The following DENND5B variants were observed in gnomAD, a reference collection of about 807,000 sequenced individuals.
DENND5B encodes DENN domain containing 5B.
In DENND5B, 34 loss-of-function variants were observed where a neutral mutation model predicts 140.6. The observed-to-expected ratio is 0.24, with a 90% CI of 0.18 to 0.32. The LOEUF is 0.32. Among genes scored for constraint, DENND5B ranks in the 10% least tolerant of loss-of-function variants. DENND5B has a pLI of 1.00. For missense variants in DENND5B, 1,142 were observed against 1,560.2 expected (o/e 0.73, Z 4.52); for synonymous variants, 551 against 562.1 (o/e 0.98, Z 0.28).
intron 1 of DENND5B, among the ~76,000 whole-genome samples, chr12:31,564,580 T>C (rs1489118985): frequency 6.8e-6 from 1 of 147,070 alleles, no homozygotes; most frequent in African/African-American, 2.5e-5. Context: ...TTATTATTAT[T>C]ATTATTATTA....
chr12:31,565,091 T>G (rs1949583051), intron 1 of DENND5B, among the ~76,000 whole-genome samples: 1 of 152,158 alleles, frequency 6.6e-6, no homozygotes, highest in Non-Finnish European at 1.5e-5. Context: ...ATTCACAACC[T>G]TGCCAATTCG....
intron 17 of DENND5B, among the ~76,000 whole-genome samples, chr12:31,394,615 CTTT>C (rs33960412): frequency 6.5e-5 from 9 of 137,604 alleles, no homozygotes; most frequent in Admixed American, 1.5e-4. Flanking sequence ...ACCCTGTGCT[CTTT>C]TTTTTTTTTT....
chr12:31,421,457 T>C (rs1943021070), intron 11 of DENND5B, among the ~76,000 whole-genome samples: 1 of 152,266 alleles, frequency 6.6e-6, no homozygotes, highest in Non-Finnish European at 1.5e-5. Flanking sequence ...AACCAGATTT[T>C]AAAAACTTAA....
intron 3 of DENND5B, among the ~76,000 whole-genome samples, chr12:31,474,239 G>A (rs1470992481): frequency 6.6e-6 from 1 of 152,038 alleles, no homozygotes; most frequent in African/African-American, 2.4e-5. Flanking sequence ...ACCAAAGGAG[G>A]TAAGCAAGGC....
chr12:31,489,707 T>C (rs759532623), intron 2 of DENND5B, among the ~76,000 whole-genome samples: 4 of 152,282 alleles, frequency 2.6e-5, no homozygotes, highest in Admixed American at 6.5e-5. Flanking sequence ...AGTTGACTAC[T>C]AGCTAAGTAA....
intron 6 of DENND5B, among the ~76,000 whole-genome samples, chr12:31,446,198 G>T (rs1383778646): frequency 2.0e-5 from 3 of 151,992 alleles, no homozygotes; most frequent in South Asian, 4.2e-4. Flanking sequence ...GCCCAGGCGG[G>T]AGTGCAGTGG....
chr12:31,489,710 CTAAGTAATTGG>C (rs1171956990), intron 2 of DENND5B, among the ~76,000 whole-genome samples: 1 of 151,918 alleles, frequency 6.6e-6, no homozygotes, highest in East Asian at 1.9e-4. Flanking sequence ...TGACTACTAG[CTAAGTAATTGG>C]TTAACTGCAA....
At chr12:31,497,879 G>C (rs1946837744) in intron 1 of DENND5B, among the ~76,000 whole-genome samples, 1 of 46,722 alleles carries the variant, frequency 2.1e-5, no homozygotes. Flanking sequence ...GGGCAGTGGA[G>C]GGGGCAGGGA....
chr12:31,451,844 G>A (rs1235692686), intron 5 of DENND5B, 96 bp downstream of exon 5: 9 of 1,392,224 alleles, frequency 6.5e-6, no homozygotes, highest in Non-Finnish European at 7.8e-6. Context: ...TAATATATGG[G>A]TAAGCATAGG....
intron 4 of DENND5B, among the ~76,000 whole-genome samples, chr12:31,452,953 A>G (rs1944606205): frequency 6.6e-6 from 1 of 152,172 alleles, no homozygotes; most frequent in African/African-American, 2.4e-5. Context: ...AATACATGAT[A>G]TTAGGTAAAA....
Position 31,585,813 on chromosome 12 carries a change from G to A in DENND5B, c.127+4893C>T, listed in dbSNP as rs116299601. 3.4e-3 allele frequency among the ~76,000 whole-genome samples: 519 copies of A among 152,328 alleles called. 6 individuals are homozygous for A. Among genetic ancestry groups the A allele is most frequent in the African/African-American group, 0.012 (487 of 41,576 alleles). On this transcript the variant is annotated intron_variant, in intron 1 of 20. Transcript: ENST00000389082. ...ACACAACCAAAGCTAAAAATAGCTA[G>A]AGAGAGACACTAAGGAAAAGATCTA...
intron 3 of DENND5B, 89 bp from the exon 4 acceptor site, chr12:31,460,470 A>G: frequency 5.4e-6 from 7 of 1,305,826 alleles, no homozygotes; most frequent in Non-Finnish European, 7.3e-6. Flanking sequence ...CTTAAGAAAA[A>G]AATTTCTGCG....
intron 1 of DENND5B, among the ~76,000 whole-genome samples, chr12:31,509,412 T>C (rs939437578): frequency 5.9e-5 from 9 of 152,194 alleles, no homozygotes; most frequent in African/African-American, 1.9e-4. Flanking sequence ...GAGAGACCCA[T>C]AGTTTTGTAT....
chr12:31,587,408 TCATA>T (rs1220776107), intron 1 of DENND5B, among the ~76,000 whole-genome samples: 1 of 152,060 alleles, frequency 6.6e-6, no homozygotes, highest in Non-Finnish European at 1.5e-5. Context: ...TTCATAGAAT[TCATA>T]CATATTCATA....
At chr12:31,492,447 C>A (rs1037727053) in intron 2 of DENND5B, among the ~76,000 whole-genome samples, 3 of 152,166 alleles carry the variant, frequency 2.0e-5, no homozygotes, top group African/African-American at 7.2e-5. Context: ...ATCCTCCCAC[C>A]TCAGCCTCCA....
intron 19 of DENND5B, among the ~76,000 whole-genome samples, chr12:31,391,485 ATTGT>A: frequency 6.6e-6 from 1 of 152,184 alleles, no homozygotes; most frequent in East Asian, 1.9e-4. Flanking sequence ...GTTTTTGTGT[ATTGT>A]TTGTTTCCCA....
At chr12:31,587,526 CTTTTTTTTTTTTTTTT>C (rs71460995) in intron 1 of DENND5B, among the ~76,000 whole-genome samples, 33 of 75,034 alleles carry the variant, frequency 4.4e-4, no homozygotes, top group East Asian at 4.2e-3. Context: ...CCACAAATAC[CTTTTTTTTTTTTTTTT>C]TTTTTTTTTT....
At chr12:31,522,105 C>G (rs947081881) in intron 1 of DENND5B, among the ~76,000 whole-genome samples, 1 of 152,188 alleles carries the variant, frequency 6.6e-6, no homozygotes, top group African/African-American at 2.4e-5. Context: ...TTTAAGACAT[C>G]CCCCACTCAA....
intron 19 of DENND5B, among the ~76,000 whole-genome samples, chr12:31,390,459 T>C (rs911102008): frequency 1.3e-5 from 2 of 150,562 alleles, no homozygotes; most frequent in Admixed American, 1.3e-4. Flanking sequence ...GCCAGCATGG[T>C]GAAACCCCAT....
Sources: gnomAD v4.1 joint callset for allele counts (sites outside exome capture counted in the v4.1 genomes callset) on GRCh38, gnomAD v4.1.1 for gene constraint, MANE v1.5 for transcripts, NCBI Gene and HGNC (gene_info 2026-07-23, HGNC 2026-07-21) for gene names.